The following GLYR1 variants were observed in gnomAD, a reference collection of about 807,000 sequenced individuals.
The protein encoded by GLYR1 is glyoxylate reductase 1 homolog.
GLYR1 carries 21 observed loss-of-function variants against 72.7 expected under a neutral mutation model. The ratio of observed to expected loss-of-function variants is 0.29; its 90% CI spans 0.20 to 0.42. The LOEUF (loss-of-function observed/expected upper bound fraction) is 0.42, where lower values mean the gene tolerates loss of function less well. Ranked by LOEUF, GLYR1 falls within the 10% of genes least tolerant of loss-of-function variation. The pLI, the probability that GLYR1 is intolerant of heterozygous loss-of-function variation, is 1.00. For synonymous variants in GLYR1, 392 were observed against 270.2 expected, an observed-to-expected ratio of 1.45 and a Z score of -4.42; for missense variants, 594 against 712.1, an observed-to-expected ratio of 0.83 and a Z score of 1.89.
intron 10 of GLYR1, among the ~76,000 whole-genome samples, 200 bp downstream of exon 10, chr16:4,817,398 A>C (rs918477424): frequency 1.3e-5 from 2 of 152,028 alleles, no homozygotes; most frequent in African/African-American, 2.4e-5. Context: ...GGATTACAGG[A>C]GTGAGCCACC....
At chr16:4,847,059 C>A in intron 1 of GLYR1, 169 bp downstream of exon 1, 3 of 640,426 alleles carry the variant, frequency 4.7e-6, no homozygotes, top group Admixed American at 5.6e-5. Flanking sequence ...TCCCCCGGGA[C>A]TGGACTGCCC....
Position 4,817,628 on chromosome 16 carries a change from T to C in GLYR1, c.876A>G (p.Thr292=), listed in dbSNP as rs151058745. 1 of 1,613,032 alleles carries C rather than the reference T, an allele frequency of 6.2e-7. No individual in the cohort carries two copies. The highest frequency in any genetic ancestry group is 2.2e-5 in the East Asian group (1 of 44,884). Residue 292 remains threonine (T), a synonymous_variant, in exon 10 of 16, where the codon ACA becomes ACG. Transcript: ENST00000321919. ...CTGCAGTGCGGTTCCAGACAGTCAC[T>C]GTGTGACCCATTTTTAGCAAGTTGG... ...IVSNLLKMGH[T]VTVWNRTAEK...
chr16:4,817,362 G>A (rs1329374590), intron 10 of GLYR1, among the ~76,000 whole-genome samples: 2 of 151,700 alleles, frequency 1.3e-5, no homozygotes, highest in South Asian at 2.1e-4. Flanking sequence ...CTCATGATCC[G>A]CCCGCCTCAG....
chr16:4,842,201 G>A (rs924089882), intron 3 of GLYR1, among the ~76,000 whole-genome samples: 5 of 150,138 alleles, frequency 3.3e-5, no homozygotes, highest in Non-Finnish European at 7.4e-5. Flanking sequence ...CCAAGATCGC[G>A]CCACTGCACT....
In GLYR1 at chr16:4,804,965, G is replaced by GTGTC; in HGVS notation, c.*270_*271insGACA. ...TGTGTGTGTGTGTGTGTGTGTGTGT[G>GTGTC]TGTGTGAACACACAGCCACCTCGTC... On this transcript the variant is annotated 3_prime_UTR_variant, in exon 16 of 16. Transcript: ENST00000321919. 1 of 538,748 alleles carries GTGTC rather than the reference G, an allele frequency of 1.9e-6. No homozygotes were observed. 33.4% of individuals were successfully genotyped at this position (538,748 alleles called of 1,614,324 possible).
At chr16:4,810,272 G>T (rs1214812536) in intron 15 of GLYR1, among the ~76,000 whole-genome samples, 1 of 126,448 alleles carries the variant, frequency 7.9e-6, no homozygotes, top group East Asian at 3.6e-4. Context: ...TGAGGCAGGT[G>T]GCTCTCCTGA....
intron 10 of GLYR1, 23 bp from the exon 11 acceptor site, chr16:4,814,670 C>A (rs73515167): frequency 1.3e-6 from 2 of 1,557,896 alleles, no homozygotes; most frequent in Non-Finnish European, 1.8e-6. Flanking sequence ...CAGATCCTAA[C>A]GTGAGCTGCA....
rs934587898 is a variant in GLYR1, at chr16:4,804,485, G to A, written c.*751C>T. 6.5e-6 allele frequency: 1 copy of A among 153,006 alleles called. No individual in the cohort carries two copies. The highest frequency in any genetic ancestry group is 1.5e-5 in the Non-Finnish European group (1 of 68,326). 9.5% of individuals were successfully genotyped at this position (153,006 alleles called of 1,614,324 possible). On this transcript the variant is annotated 3_prime_UTR_variant, in exon 16 of 16. Coordinates refer to ENST00000321919, the MANE Select transcript of GLYR1 (RefSeq NM_032569.4). ...GCTGTGGCAGTGGCATCTGGGGCATGGCTTCGAGGCGGTGAGGGCCGGGCC... is the reference window on the plus strand; with the variant it reads ...GCTGTGGCAGTGGCATCTGGGGCATAGCTTCGAGGCGGTGAGGGCCGGGCC...
chr16:4,841,524 G>A (rs1051136105), intron 3 of GLYR1, among the ~76,000 whole-genome samples: 1 of 148,432 alleles, frequency 6.7e-6, no homozygotes, highest in African/African-American at 2.5e-5. Context: ...ACACAACTGT[G>A]GTCCCAGCTA....
chr16:4,842,760 C>T (rs566668684), intron 3 of GLYR1, among the ~76,000 whole-genome samples: 18 of 152,266 alleles, frequency 1.2e-4, no homozygotes, highest in African/African-American at 3.6e-4. Context: ...AGTGCAGTGG[C>T]GCGATCTCAG....
At chr16:4,810,699 T>TAAAAAAAAAAAAA (rs551202037) in intron 15 of GLYR1, among the ~76,000 whole-genome samples, 2 of 21,820 alleles carry the variant, frequency 9.2e-5, no homozygotes, top group African/African-American at 5.1e-4. Context: ...CTGTCTCTAC[T>TAAAAAAAAAAAAA]AAAAAAAAAA....
chr16:4,827,843 T>C lies in GLYR1; in HGVS notation c.538-3936A>G, dbSNP rs537700425. On this transcript the variant is annotated intron_variant, in intron 5 of 15. Transcript: ENST00000321919. ...TTAACCCAGGAGGCGGAGCTTGCAGTGAGCCGAGATTGCGCCACTGCACCG... is the reference window on the plus strand; with the variant it reads ...TTAACCCAGGAGGCGGAGCTTGCAGCGAGCCGAGATTGCGCCACTGCACCG... Among the ~76,000 whole-genome samples the C allele has an allele frequency of 1.4e-3, 205 of 151,788 alleles. 1 individual carries two copies. The highest frequency in any genetic ancestry group is 3.1e-3 in the South Asian group (15 of 4,790).
At chr16:4,816,013 CCA>C (rs1336859197) in intron 10 of GLYR1, among the ~76,000 whole-genome samples, 1 of 152,164 alleles carries the variant, frequency 6.6e-6, no homozygotes, top group Non-Finnish European at 1.5e-5. Flanking sequence ...TCGTTATCCC[CCA>C]GTCTCTGCCT....
rs76992989 is a variant in GLYR1 at position 4,818,017 on chromosome 16, G to C, written c.807-320C>G. On this transcript the variant is annotated intron_variant, in intron 9 of 15. Transcript: ENST00000321919. ...CCTTGCTGCCCTTTTTTTTTTTTTT[G>C]AGACAGTCTTGCTCTGTTCCAGGCT... is the stretch of plus-strand genomic sequence containing the variant. The C allele has an allele frequency of 1.9e-4, 39 of 204,130 alleles. 1 individual carries two copies. Among genetic ancestry groups the C allele is most frequent in the African/African-American group, 1.3e-4 (4 of 31,106 alleles). The allele number at this position is 204,130 out of a possible 1,614,324, so 12.6% of individuals were successfully genotyped here. A position where few individuals can be genotyped will look rare whatever the true frequency, so the allele number is the denominator to read the frequency against.
At chr16:4,845,521 C>G (rs1336274941) in intron 2 of GLYR1, among the ~76,000 whole-genome samples, 1 of 152,034 alleles carries the variant, frequency 6.6e-6, no homozygotes, top group African/African-American at 2.4e-5. Context: ...AATGTGACCC[C>G]ATTATTACTG....
chr16:4,828,344 C>T (rs183593542), intron 5 of GLYR1, among the ~76,000 whole-genome samples: 2 of 152,164 alleles, frequency 1.3e-5, no homozygotes, highest in Admixed American at 6.5e-5. Flanking sequence ...GCTGGGATTA[C>T]AGGCGTGAGC....
rs180747964 is a variant in GLYR1, at chr16:4,827,414, G to A, written c.538-3507C>T. Among the ~76,000 whole-genome samples, 194 of 152,316 alleles carry A rather than the reference G, an allele frequency of 1.3e-3. 1 individual carries two copies. Among genetic ancestry groups the A allele is most frequent in the South Asian group, 8.1e-3 (39 of 4,832 alleles). On this transcript the variant is annotated intron_variant, in intron 5 of 15. Transcript: ENST00000321919. ...AACGGCTATCTGTCCTGTACCACAT[G>A]CCAGCTCTGTCCTCTCCTGCTCATA...
chr16:4,822,031 G>C (rs2141987339), intron 7 of GLYR1, among the ~76,000 whole-genome samples: 1 of 152,318 alleles, frequency 6.6e-6, no homozygotes, highest in Non-Finnish European at 1.5e-5. Context: ...ACGATGTTTG[G>C]TTTCTGCCCT....
Position 4,823,884 on chromosome 16 carries a change from A to T in GLYR1, c.561T>A (p.Ser187Arg). The T allele has an allele frequency of 6.2e-7, 1 of 1,614,084 alleles. No homozygotes were observed. The highest frequency in any genetic ancestry group is 8.5e-7 in the Non-Finnish European group (1 of 1,180,010). ...DEKDLTIPESSTVKGMMAGPM... is the reference protein window; with the variant it reads ...DEKDLTIPESRTVKGMMAGPM... ...GTCCGGCCATCATCCCCTTCACGGTACTAGACTCCGGGATGGTGAGATCCT... is the reference window on the plus strand; with the variant it reads ...GTCCGGCCATCATCCCCTTCACGGTTCTAGACTCCGGGATGGTGAGATCCT... Residue 187 changes from serine to arginine, a missense_variant, in exon 6 of 16, where the codon AGT (serine) becomes AGA (arginine). Around this residue, in one of 5 missense-constraint regions of GLYR1, gnomAD observed 252 missense variants for 211.3 expected, o/e 1.19. Coordinates refer to ENST00000321919, the MANE Select transcript of GLYR1 (RefSeq NM_032569.4).
Sources: gnomAD v4.1 joint callset for allele counts (sites outside exome capture counted in the v4.1 genomes callset) on GRCh38, gnomAD v4.1.1 for gene constraint, gnomAD v4.1.1 regional missense constraint, MANE v1.5 for transcripts, NCBI Gene and HGNC (gene_info 2026-07-23, HGNC 2026-07-21) for gene names.